The following JAKMIP2 variants were observed in gnomAD, a reference collection of about 807,000 sequenced individuals.
The protein encoded by JAKMIP2 is janus kinase and microtubule interacting protein 2, also known as janus kinase and microtubule-interacting protein 2.
Under a neutral mutation model 115.0 loss-of-function variants are expected in JAKMIP2, and 25 were observed. The observed-to-expected ratio is 0.22, with a 90% CI of 0.16 to 0.30. JAKMIP2 has a LOEUF of 0.30. JAKMIP2 is among the 10% of genes least tolerant of loss of function. The pLI is 1.00. For synonymous variants in JAKMIP2, 334 were observed against 343.6 expected (o/e 0.97, Z 0.31); for missense variants, 642 against 957.6 (o/e 0.67, Z 4.35).
chr5:147,741,843 GA>G (rs1475636265), intron 1 of JAKMIP2, among the ~76,000 whole-genome samples: 1 of 151,808 alleles, frequency 6.6e-6, no homozygotes, highest in African/African-American at 2.4e-5. Flanking sequence ...AAAACTGCTG[GA>G]AAAAAACAGA....
intron 2 of JAKMIP2, 42 bp downstream of exon 2, chr5:147,671,636 G>A (rs1759596382): frequency 1.5e-6 from 2 of 1,362,438 alleles, no homozygotes; most frequent in Non-Finnish European, 1.9e-6. Flanking sequence ...GACACAGCCA[G>A]AGCTGCTCTT....
chr5:147,725,292 T>G (rs1303647651), intron 1 of JAKMIP2, among the ~76,000 whole-genome samples: 1 of 152,142 alleles, frequency 6.6e-6, no homozygotes, highest in East Asian at 1.9e-4. Context: ...TAGCATGTAA[T>G]TATTAAAGAA....
intron 1 of JAKMIP2, among the ~76,000 whole-genome samples, chr5:147,779,811 A>C (rs1289459161): frequency 6.6e-6 from 1 of 152,154 alleles, no homozygotes; most frequent in Non-Finnish European, 1.5e-5. Flanking sequence ...TGAGAAGGAA[A>C]TCTAGTACAT....
At chr5:147,774,300 G>C (rs1755473262) in intron 1 of JAKMIP2, among the ~76,000 whole-genome samples, 1 of 152,080 alleles carries the variant, frequency 6.6e-6, no homozygotes, top group African/African-American at 2.4e-5. Flanking sequence ...GAATTACCTA[G>C]CAAATCCATA....
intron 1 of JAKMIP2, among the ~76,000 whole-genome samples, chr5:147,738,521 C>T (rs1754011226): frequency 6.6e-6 from 1 of 152,070 alleles, no homozygotes; most frequent in African/African-American, 2.4e-5. Context: ...CAATAGTACC[C>T]ACTGGCATAA....
intron 19 of JAKMIP2, 78 bp downstream of exon 19, chr5:147,617,833 T>C (rs1379914027): frequency 2.7e-6 from 3 of 1,129,702 alleles, no homozygotes; most frequent in Non-Finnish European, 4.0e-6. Flanking sequence ...TCCGTACCCA[T>C]ACTCAATACC....
intron 1 of JAKMIP2, among the ~76,000 whole-genome samples, chr5:147,701,992 C>T (rs547512545): frequency 6.6e-6 from 1 of 152,318 alleles, no homozygotes; most frequent in East Asian, 1.9e-4. Context: ...GGGGAAACAT[C>T]CCTTCTCATT....
chr5:147,587,029 C>T lies in JAKMIP2; in HGVS notation c.*4678G>A, dbSNP rs1432841655. 1 of 152,124 alleles carries T rather than the reference C, an allele frequency of 6.6e-6. No homozygotes were observed. Among genetic ancestry groups the T allele is most frequent in the African/African-American group, 2.4e-5 (1 of 41,414 alleles). The allele number at this position is 152,124 out of a possible 1,614,324, so 9.4% of individuals were successfully genotyped here. ...CTTGAAGAGGCCTTACAGGGATTAG[C>T]TCCAACTTTCCATTATGTCTGTATC... On this transcript the variant is annotated 3_prime_UTR_variant, in exon 22 of 22. Coordinates refer to ENST00000616793, the MANE Select transcript of JAKMIP2 (RefSeq NM_001270941.2).
Position 147,648,483 on chromosome 5 carries a change from A to C in JAKMIP2, c.838-9T>G. 6.7e-7 allele frequency: 1 copy of C among 1,491,120 alleles called. No homozygotes were observed. The highest frequency in any genetic ancestry group is 9.3e-7 in the Non-Finnish European group (1 of 1,070,884). 92.4% of individuals were successfully genotyped at this position (1,491,120 alleles called of 1,614,324 possible). On this transcript the variant is annotated splice_polypyrimidine_tract_variant and intron_variant, in intron 4 of 21. Transcript: ENST00000616793. ...TGATTTCTTCGCAAATCCTACAAAG[A>C]AAAATTAAAATGGGTATTTCTTCAA...
chr5:147,645,147 A>C (rs1012399662), intron 5 of JAKMIP2, 151 bp from the exon 6 acceptor site: 18 of 679,554 alleles, frequency 2.6e-5, no homozygotes, highest in Non-Finnish European at 4.5e-5. Context: ...TCAATCCTTC[A>C]TTTAACAGAC....
chr5:147,618,291 T>C (rs554020936), intron 18 of JAKMIP2, among the ~76,000 whole-genome samples, 177 bp from the exon 19 acceptor site: 1 of 152,336 alleles, frequency 6.6e-6, no homozygotes, highest in Non-Finnish European at 1.5e-5. Flanking sequence ...TCTCCTTTTA[T>C]GAGATTCCAT....
intron 20 of JAKMIP2, among the ~76,000 whole-genome samples, chr5:147,610,194 C>A (rs1281618001): frequency 3.3e-5 from 5 of 152,176 alleles, no homozygotes; most frequent in African/African-American, 1.2e-4. Context: ...ATTCGTCAAA[C>A]TAATTCTCCA....
intron 1 of JAKMIP2, among the ~76,000 whole-genome samples, chr5:147,721,620 CGTCA>C (rs1458709687): frequency 2.6e-5 from 4 of 152,130 alleles, no homozygotes; most frequent in African/African-American, 9.6e-5. Context: ...TTCCAGGTGC[CGTCA>C]GTCACCCCTT....
intron 1 of JAKMIP2, among the ~76,000 whole-genome samples, chr5:147,694,864 G>A (rs545166952): frequency 6.6e-6 from 1 of 151,782 alleles, no homozygotes; most frequent in Admixed American, 6.5e-5. Flanking sequence ...TTTTAAGTCT[G>A]TTGTACTTTT....
chr5:147,641,584 C>A, intron 8 of JAKMIP2, 124 bp downstream of exon 8: 1 of 628,142 alleles, frequency 1.6e-6, no homozygotes, highest in East Asian at 2.8e-5. Flanking sequence ...CAAATAATGC[C>A]CATGGTTTGC....
intron 1 of JAKMIP2, among the ~76,000 whole-genome samples, chr5:147,765,100 C>T (rs947361551): frequency 1.3e-5 from 2 of 149,960 alleles, no homozygotes; most frequent in Non-Finnish European, 3.0e-5. Flanking sequence ...GCAATTCATG[C>T]TCATAATAGA....
intron 16 of JAKMIP2, among the ~76,000 whole-genome samples, chr5:147,625,645 A>G (rs1331015571): frequency 6.6e-6 from 1 of 152,184 alleles, no homozygotes; most frequent in African/African-American, 2.4e-5. Context: ...TTATATCATG[A>G]GCATTAGATA....
intron 20 of JAKMIP2, among the ~76,000 whole-genome samples, chr5:147,605,402 G>A (rs1172274205): frequency 6.6e-6 from 1 of 151,810 alleles, no homozygotes; most frequent in African/African-American, 2.4e-5. Flanking sequence ...GTAGAGACAG[G>A]GTTTCACCGT....
At chr5:147,650,655 A>G in intron 3 of JAKMIP2, 108 bp from the exon 4 acceptor site, 1 of 825,408 alleles carries the variant, frequency 1.2e-6, no homozygotes, top group South Asian at 1.7e-5. Flanking sequence ...CAGAAAAAAA[A>G]TCACGGATTT....
Sources: gnomAD v4.1 joint callset for allele counts (sites outside exome capture counted in the v4.1 genomes callset) on GRCh38, gnomAD v4.1.1 for gene constraint, MANE v1.5 for transcripts, NCBI Gene and HGNC (gene_info 2026-07-23, HGNC 2026-07-21) for gene names.